TMEM182: variants seen among roughly 807,000 people sequenced by gnomAD.
TMEM182 encodes the protein transmembrane protein 182.
Under a neutral mutation model 26.8 loss-of-function variants are expected in TMEM182, and 20 were observed. The ratio of observed to expected loss-of-function variants is 0.75; its 90% confidence interval spans 0.53 to 1.09. TMEM182 has a LOEUF of 1.09. Among genes scored for constraint, TMEM182 ranks in the 50% least tolerant of loss-of-function variants. The pLI is 0.00. For missense variants in TMEM182, 277 were observed against 275.5 expected, an observed-to-expected ratio of 1.01 and a Z score of -0.04; for synonymous variants, 109 against 102.2, an observed-to-expected ratio of 1.07 and a Z score of -0.40.
chr2:102,766,177 T>C (rs1680425360), intron 3 of TMEM182, among the ~76,000 whole-genome samples: 1 of 152,166 alleles, frequency 6.6e-6, no homozygotes, highest in South Asian at 2.1e-4. Flanking sequence ...AATGATCCCA[T>C]ATTTGAAAAG....
At chr2:102,788,906 T>G (rs1416155974) in intron 3 of TMEM182, among the ~76,000 whole-genome samples, 1 of 152,194 alleles carries the variant, frequency 6.6e-6, no homozygotes, top group East Asian at 1.9e-4. Context: ...TGTTCACGAT[T>G]GTGGGGTTCA....
chr2:102,817,991 A>G (rs1682811270), downstream of TMEM182, among the ~76,000 whole-genome samples: 1 of 152,210 alleles, frequency 6.6e-6, no homozygotes, highest in African/African-American at 2.4e-5. Context: ...ACCATGTTGG[A>G]CTTACAAAGA....
chr2:102,800,078 T>C (rs550777569), intron 4 of TMEM182, among the ~76,000 whole-genome samples: 6 of 152,334 alleles, frequency 3.9e-5, no homozygotes, highest in African/African-American at 1.4e-4. Context: ...TTTTGTCTTT[T>C]ATTTGAACTG....
intron 3 of TMEM182, among the ~76,000 whole-genome samples, chr2:102,839,584 T>C (rs1683310301): frequency 6.6e-6 from 1 of 151,872 alleles, no homozygotes; most frequent in African/African-American, 2.4e-5. Flanking sequence ...ATCCTAAATT[T>C]TCAAAATTGG....
chr2:102,824,660 TAA>T (rs1428093186), intron 3 of TMEM182, among the ~76,000 whole-genome samples: 2 of 151,882 alleles, frequency 1.3e-5, no homozygotes, highest in Non-Finnish European at 2.9e-5. Context: ...CCGTGTCTAC[TAA>T]AATACAAAAA....
rs537370410 is a variant in TMEM182 at position 102,752,135 on chromosome 2, CA to C, written c.-82-6249del. On this transcript the variant is annotated intron_variant, in intron 1 of 5. Coordinates refer to the TMEM182 transcript ENST00000409173. ...TTTAGTCCATAGACAGTGCTTAGGGCAAAAAGCCCTGCCATAAAGAGATTCA... is the reference window on the plus strand; with the variant it reads ...TTTAGTCCATAGACAGTGCTTAGGGCAAAAGCCCTGCCATAAAGAGATTCA... Among the ~76,000 whole-genome samples, 248 of 152,218 alleles carry C rather than the reference CA, an allele frequency of 1.6e-3. 2 individuals are homozygous for C. The highest frequency in any genetic ancestry group is 5.8e-3 in the African/African-American group (239 of 41,538).
chr2:102,751,223 G>A (rs540648204), intron 1 of TMEM182, among the ~76,000 whole-genome samples: 19 of 152,272 alleles, frequency 1.2e-4, no homozygotes, highest in Admixed American at 1.2e-3. Context: ...GGCCCACTAC[G>A]GAGTTCACCG....
intron 3 of TMEM182, among the ~76,000 whole-genome samples, chr2:102,836,172 A>G (rs1683243320): frequency 6.6e-6 from 1 of 152,228 alleles, no homozygotes; most frequent in African/African-American, 2.4e-5. Context: ...AGTTTCGGCA[A>G]TTATGAATAC....
intron 3 of TMEM182, among the ~76,000 whole-genome samples, chr2:102,789,726 T>A (rs1306311123): frequency 6.6e-6 from 1 of 152,230 alleles, no homozygotes; most frequent in Admixed American, 6.5e-5. Context: ...TGGATTGGTG[T>A]CTCTGATTAA....
downstream of TMEM182, chr2:102,817,687 T>C: frequency 1.0e-6 from 1 of 984,166 alleles, no homozygotes; most frequent in Non-Finnish European, 1.2e-6. Flanking sequence ...GAAGTGTCAG[T>C]GTTGGTAATT....
At chr2:102,830,256 C>A (rs544137808) in intron 3 of TMEM182, among the ~76,000 whole-genome samples, 21 of 152,308 alleles carry the variant, frequency 1.4e-4, no homozygotes, top group African/African-American at 4.6e-4. Flanking sequence ...ACAACCACTT[C>A]ATATAAATTA....
At chr2:102,777,796 T>A (rs1019878190) in intron 3 of TMEM182, among the ~76,000 whole-genome samples, 9 of 151,426 alleles carry the variant, frequency 5.9e-5, no homozygotes, top group African/African-American at 1.9e-4. Context: ...TTTTTTGCCT[T>A]ATTGCACAGA....
chr2:102,796,322 G>A (rs1367473365), intron 3 of TMEM182, among the ~76,000 whole-genome samples: 1 of 152,172 alleles, frequency 6.6e-6, no homozygotes, highest in East Asian at 1.9e-4. Flanking sequence ...ATGGTTGCTT[G>A]TCATACTTAC....
At chr2:102,744,704 A>C (rs1198030386) in intron 1 of TMEM182, among the ~76,000 whole-genome samples, 1 of 152,072 alleles carries the variant, frequency 6.6e-6, no homozygotes, top group Non-Finnish European at 1.5e-5. Flanking sequence ...TTTTTCCTTT[A>C]GCCCTTAAAA....
chr2:102,756,245 T>G (rs1020739877), intron 1 of TMEM182, among the ~76,000 whole-genome samples: 1 of 152,228 alleles, frequency 6.6e-6, no homozygotes. Flanking sequence ...GTTTTTTGCT[T>G]TTTAATTTTG....
intron 3 of TMEM182, among the ~76,000 whole-genome samples, chr2:102,838,070 G>A (rs996739423): frequency 1.3e-5 from 2 of 152,234 alleles, no homozygotes; most frequent in Admixed American, 6.5e-5. Flanking sequence ...CCCTGCCCCA[G>A]CATCAGTGGA....
chr2:102,762,238 C>A lies in TMEM182; in HGVS notation c.21C>A (p.Ile7=), dbSNP rs141575902. The change falls in exon 1 of 5, where the codon ATC becomes ATA. Residue 7 remains isoleucine, a synonymous_variant. Transcript: ENST00000412401. MRLNIA[I]FFGALFGALG... is the part of the protein sequence containing the mutation. ...TGAAAATGAGACTAAATATCGCTAT[C>A]TTCTTTGGAGCTCTCTTTGGTGCTT... The A allele has an allele frequency of 9.7e-5, 156 of 1,611,092 alleles. 1 individual carries two copies. Among genetic ancestry groups the A allele is most frequent in the Middle Eastern group, 8.3e-4 (5 of 6,052 alleles).
intron 4 of TMEM182, among the ~76,000 whole-genome samples, chr2:102,811,819 A>G (rs1195843156): frequency 6.6e-6 from 1 of 152,194 alleles, no homozygotes; most frequent in Non-Finnish European, 1.5e-5. Context: ...TTTCTGGGGT[A>G]ACAAGATTTT....
At chr2:102,777,337 G>A (rs878962599) in intron 3 of TMEM182, among the ~76,000 whole-genome samples, 1 of 152,052 alleles carries the variant, frequency 6.6e-6, no homozygotes, top group South Asian at 2.1e-4. Context: ...TAAGATCTGT[G>A]TCTAGGTTCA....
Sources: gnomAD v4.1 joint callset for allele counts (sites outside exome capture counted in the v4.1 genomes callset) on GRCh38, gnomAD v4.1.1 for gene constraint, MANE v1.5 for transcripts, NCBI Gene and HGNC (gene_info 2026-07-23, HGNC 2026-07-21) for gene names.